Variants in COL23A1 observed in about 807,000 individuals in gnomAD.
COL23A1 encodes collagen type XXIII alpha 1 chain, also known as collagen alpha-1(XXIII) chain.
In COL23A1, 97 loss-of-function variants were observed where a neutral mutation model predicts 99.3. The ratio of observed to expected loss-of-function variants is 0.98; its 90% confidence interval spans 0.83 to 1.16. The LOEUF (loss-of-function observed/expected upper bound fraction) is 1.16. Among genes scored for constraint, COL23A1 ranks in the 50% most tolerant of loss-of-function variants. The pLI is 0.00. For missense variants in COL23A1, 762 were observed against 757.4 expected (o/e 1.01, Z -0.07); for synonymous variants, 320 against 308.2 (o/e 1.04, Z -0.40).
chr5:178,498,253 T>TAA (rs1562025781), intron 2 of COL23A1, among the ~76,000 whole-genome samples: 2 of 59,236 alleles, frequency 3.4e-5, no homozygotes, highest in African/African-American at 2.6e-4. Flanking sequence ...TATATATATA[T>TAA]ATATAAAAGA....
chr5:178,521,512 C>A (rs1759943225), intron 2 of COL23A1, among the ~76,000 whole-genome samples: 1 of 147,454 alleles, frequency 6.8e-6, no homozygotes, highest in African/African-American at 2.5e-5. Flanking sequence ...GAGATGGCGC[C>A]ATTGCACTCC....
chr5:178,367,983 CGTT>C (rs1413976993), intron 2 of COL23A1, among the ~76,000 whole-genome samples: 1 of 152,158 alleles, frequency 6.6e-6, no homozygotes, highest in Non-Finnish European at 1.5e-5. Flanking sequence ...CTAAGGGAGA[CGTT>C]GTGTGCACTG....
intron 2 of COL23A1, among the ~76,000 whole-genome samples, chr5:178,547,984 A>C (rs955928892): frequency 2.7e-3 from 13 of 4,838 alleles, no homozygotes; most frequent in East Asian, 3.9e-3. Context: ...ACCCACACCC[A>C]CCCCCCACAC....
chr5:178,354,913 T>A lies in COL23A1; in HGVS notation c.362-47994A>T, dbSNP rs193215604. ...CTCTAGTAAAAATACAAAAAATTAG[T>A]TGGGCATGGTGGTGTGAGCCTGTGG... On this transcript the variant is annotated intron_variant, in intron 2 of 28. Transcript: ENST00000390654. Among the ~76,000 whole-genome samples, 14 of 151,972 alleles carry A rather than the reference T, an allele frequency of 9.2e-5. No homozygotes were observed. The East Asian group carries it at 9.7e-4, about 10-fold the overall frequency.
chr5:178,382,203 A>T (rs551210784), intron 2 of COL23A1, among the ~76,000 whole-genome samples: 1 of 152,164 alleles, frequency 6.6e-6, no homozygotes, highest in South Asian at 2.1e-4. Context: ...GGGTCACACA[A>T]GAGTGGTGGG....
At chr5:178,456,534 A>G (rs772510349) in intron 2 of COL23A1, among the ~76,000 whole-genome samples, 1 of 152,196 alleles carries the variant, frequency 6.6e-6, no homozygotes, top group East Asian at 1.9e-4. Context: ...GCCCGTCTCT[A>G]CTAAAAATAC....
intron 2 of COL23A1, among the ~76,000 whole-genome samples, chr5:178,331,708 G>T (rs1190665310): frequency 1.3e-5 from 2 of 152,222 alleles, no homozygotes; most frequent in African/African-American, 4.8e-5. Context: ...TGGGCCATGT[G>T]CAGAGTTTTT....
intron 1 of COL23A1, among the ~76,000 whole-genome samples, chr5:178,585,829 C>T (rs1339931563): frequency 1.5e-5 from 2 of 131,406 alleles, no homozygotes; most frequent in Non-Finnish European, 3.5e-5. Flanking sequence ...ACACGCCCAG[C>T]CTCAGGGGAT....
At chr5:178,409,582 G>T (rs1473198545) in intron 2 of COL23A1, among the ~76,000 whole-genome samples, 6 of 152,162 alleles carry the variant, frequency 3.9e-5, no homozygotes, top group African/African-American at 1.4e-4. Context: ...CAACTATTGA[G>T]GAACACTGGC....
chr5:178,545,358 A>T (rs948211967), intron 2 of COL23A1, among the ~76,000 whole-genome samples: 5 of 152,212 alleles, frequency 3.3e-5, no homozygotes, highest in Non-Finnish European at 7.3e-5. Flanking sequence ...ACATGACCGG[A>T]CAACAGGCCA....
Position 178,256,935 on chromosome 5 carries a change from C to CA in COL23A1, c.775-8dup, listed in dbSNP as rs1561795957. On this transcript the variant is annotated splice_polypyrimidine_tract_variant and splice_region_variant and intron_variant, in intron 13 of 28. Transcript: ENST00000390654. ...CCATGCTCCCTGGCTCGCCCTGAAA[C>CA]AGACACAGCTGCAGTGAGAGCAAGT... 6.2e-7 allele frequency: 1 copy of CA among 1,613,338 alleles called. No individual in the cohort carries two copies. Among genetic ancestry groups the CA allele is most frequent in the Admixed American group, 1.7e-5 (1 of 59,986 alleles).
At chr5:178,262,982 G>C (rs1765716132) in intron 9 of COL23A1, among the ~76,000 whole-genome samples, 1 of 152,096 alleles carries the variant, frequency 6.6e-6, no homozygotes, top group Admixed American at 6.5e-5. Context: ...TTAAGGGTCT[G>C]GGTTGAAGTT....
chr5:178,270,391 G>T, intron 5 of COL23A1, 28 bp from the exon 6 acceptor site: 1 of 1,613,410 alleles, frequency 6.2e-7, no homozygotes, highest in African/African-American at 1.3e-5. Context: ...GAGAACACAG[G>T]TTACACACGG....
intron 2 of COL23A1, among the ~76,000 whole-genome samples, chr5:178,347,159 G>A (rs1193680225): frequency 2.0e-5 from 3 of 152,208 alleles, no homozygotes; most frequent in African/African-American, 4.8e-5. Context: ...CTTTCTGCAA[G>A]GATGGAAACG....
intron 2 of COL23A1, among the ~76,000 whole-genome samples, chr5:178,401,399 A>G (rs1319936466): frequency 6.6e-6 from 1 of 152,224 alleles, no homozygotes; most frequent in Non-Finnish European, 1.5e-5. Context: ...AATGAAGCAT[A>G]AAGCATGTAG....
chr5:178,356,015 T>C (rs1205389439), intron 2 of COL23A1, among the ~76,000 whole-genome samples: 1 of 152,214 alleles, frequency 6.6e-6, no homozygotes, highest in African/African-American at 2.4e-5. Context: ...TGATATGGGA[T>C]GATTTCCAAG....
Position 178,333,650 on chromosome 5 carries a change from C to A in COL23A1, c.362-26731G>T, listed in dbSNP as rs561672764. On this transcript the variant is annotated intron_variant, in intron 2 of 28. Transcript: ENST00000390654. ...TCCCCTGCACACCCTTCCATCCTGG[C>A]GCTCCTCATCCTGGGTGGTGATCAT... Among the ~76,000 whole-genome samples the A allele has an allele frequency of 7.2e-5, 11 of 152,260 alleles. No individual in the cohort carries two copies. The East Asian group carries it at 1.9e-3, about 27-fold the overall frequency.
At chr5:178,322,201 C>A (rs1759362502) in intron 2 of COL23A1, among the ~76,000 whole-genome samples, 1 of 151,820 alleles carries the variant, frequency 6.6e-6, no homozygotes, top group African/African-American at 2.4e-5. Context: ...ACTGTGTTGG[C>A]CAGGCTGTTC....
At chr5:178,318,757 C>G (rs1162663139) in intron 2 of COL23A1, among the ~76,000 whole-genome samples, 1 of 152,108 alleles carries the variant, frequency 6.6e-6, no homozygotes, top group Non-Finnish European at 1.5e-5. Flanking sequence ...AAAAAATTAG[C>G]CGGGTGTGGT....
Sources: gnomAD v4.1 joint callset for allele counts (sites outside exome capture counted in the v4.1 genomes callset) on GRCh38, gnomAD v4.1.1 for gene constraint, MANE v1.5 for transcripts, NCBI Gene and HGNC (gene_info 2026-07-23, HGNC 2026-07-21) for gene names.